Variants in IMMP2L observed in about 807,000 individuals in gnomAD.
IMMP2L encodes the protein mitochondrial inner membrane protease subunit 2.
In IMMP2L, 18 loss-of-function variants were observed where a neutral mutation model predicts 19.3. That is an observed-to-expected ratio of 0.93 (90% CI 0.64 to 1.38). IMMP2L has a LOEUF of 1.38. Among genes scored for constraint, IMMP2L ranks in the 40% most tolerant of loss-of-function variants. The pLI is 0.00. For synonymous variants in IMMP2L, 76 were observed against 73.0 expected (o/e 1.04, Z -0.21); for missense variants, 233 against 218.2 (o/e 1.07, Z -0.43).
At chr7:111,291,984 G>A (rs1427596227) in intron 3 of IMMP2L, among the ~76,000 whole-genome samples, 2 of 152,138 alleles carry the variant, frequency 1.3e-5, no homozygotes, top group Non-Finnish European at 2.9e-5. Flanking sequence ...CACTACTGTG[G>A]TGATTTAAGC....
At chr7:110,767,816 C>T (rs114155299) in intron 5 of IMMP2L, among the ~76,000 whole-genome samples, 93 of 152,252 alleles carry the variant, frequency 6.1e-4, no homozygotes, top group African/African-American at 2.0e-3. Flanking sequence ...AGCACAGAAT[C>T]CTGGTAATGT....
intron 3 of IMMP2L, among the ~76,000 whole-genome samples, chr7:111,297,618 T>C (rs376003672): frequency 5.3e-5 from 8 of 152,082 alleles, no homozygotes; most frequent in African/African-American, 1.9e-4. Context: ...TAAATGTATA[T>C]ACCAGCTTTA....
chr7:111,225,691 C>CAAA lies in IMMP2L; in HGVS notation c.239+261544_239+261546dup, dbSNP rs36112021. The stretch of plus-strand genomic sequence containing the variant: ...TCCAGTCAAAATGGTGAGATAGAGC[C>CAAA]AAAAAAAAAAAAAAAAAAGAATGGG... On this transcript the variant is annotated intron_variant, in intron 3 of 5. Coordinates refer to ENST00000405709, the MANE Select transcript of IMMP2L (RefSeq NM_032549.4). Among the ~76,000 whole-genome samples the CAAA allele has an allele frequency of 4.6e-4, 52 of 112,624 alleles. 1 individual carries two copies. The highest frequency in any genetic ancestry group is 1.7e-3 in the African/African-American group (51 of 30,560). 73.9% of individuals were successfully genotyped at this position (112,624 alleles called of 152,430 possible).
In IMMP2L at chr7:110,663,323, A is replaced by G; in HGVS notation, c.*279T>C. ...AATAATCTGAAATTCAGCCCCATTA[A>G]GACATGTGGGTGCAATATTTTTATA... On this transcript the variant is annotated 3_prime_UTR_variant, in exon 6 of 6. Transcript: ENST00000405709. The G allele has an allele frequency of 3.7e-6, 1 of 267,954 alleles. No homozygotes were observed. The highest frequency in any genetic ancestry group is 4.9e-5 in the Admixed American group (1 of 20,338). The allele number at this position is 267,954 out of a possible 1,614,324, so 16.6% of individuals were successfully genotyped here.
In IMMP2L at chr7:111,534,502, T is replaced by C. The variant is rs553312986; in HGVS notation, c.-2-13053A>G. On this transcript the variant is annotated intron_variant, in intron 1 of 5. Transcript: ENST00000405709. ...AAATAATAAAGAATATGAACCAAAA[T>C]GATGACAGTATTTATTTGCAATGAA... Among the ~76,000 whole-genome samples, 6 of 152,230 alleles carry C rather than the reference T, an allele frequency of 3.9e-5. 1 individual carries two copies. The South Asian group carries it at 6.2e-4, about 16-fold the overall frequency.
intron 3 of IMMP2L, among the ~76,000 whole-genome samples, chr7:111,171,457 G>T (rs1806442327): frequency 6.6e-6 from 1 of 151,488 alleles, no homozygotes. Context: ...AGCCCAAAGA[G>T]AGAGAAAGAA....
rs527552834 is a variant in IMMP2L at position 110,924,396 on chromosome 7, C to A, written c.306-37701G>T. Among the ~76,000 whole-genome samples the A allele has an allele frequency of 6.6e-6, 1 of 152,056 alleles. No homozygotes were observed. The highest frequency in any genetic ancestry group is 2.4e-5 in the African/African-American group (1 of 41,388). On this transcript the variant is annotated intron_variant, in intron 4 of 5. Coordinates refer to ENST00000405709, the MANE Select transcript of IMMP2L (RefSeq NM_032549.4). The surrounding 1 kb of genome is among the most constrained non-coding windows in gnomAD (Gnocchi z 4.2). ...TCCATTTCAGCGCTACCTTTGCCAACGGAGTCCTGCAATGACATACCAGAC... is the reference window on the plus strand; with the variant it reads ...TCCATTTCAGCGCTACCTTTGCCAAAGGAGTCCTGCAATGACATACCAGAC...
intron 5 of IMMP2L, among the ~76,000 whole-genome samples, chr7:110,837,197 G>C (rs939298894): frequency 3.3e-5 from 5 of 152,068 alleles, no homozygotes; most frequent in Non-Finnish European, 5.9e-5. Flanking sequence ...TACATCTACA[G>C]GTATTGACAT....
chr7:111,188,965 A>T (rs966083232), intron 3 of IMMP2L, among the ~76,000 whole-genome samples: 1 of 152,128 alleles, frequency 6.6e-6, no homozygotes, highest in Non-Finnish European at 1.5e-5. Context: ...TATGGCTAAT[A>T]AAAAAGTTCC....
chr7:110,877,027 G>T lies in IMMP2L; in HGVS notation c.408+9566C>A, dbSNP rs1170227775. On this transcript the variant is annotated intron_variant, in intron 5 of 5. Coordinates refer to ENST00000405709, the MANE Select transcript of IMMP2L (RefSeq NM_032549.4). This position sits in a 1 kb window ranked among gnomAD's most constrained non-coding sequence, Gnocchi z 4.0. ...AAAGAGCAGATAATAAATATTTTAG[G>T]ATTTGTGGGATATAAGTCTCTCTTG... 6.6e-6 allele frequency among the ~76,000 whole-genome samples: 1 copy of T among 152,132 alleles called. No individual in the cohort carries two copies. Among genetic ancestry groups the T allele is most frequent in the Non-Finnish European group, 1.5e-5 (1 of 68,028 alleles).
intron 3 of IMMP2L, among the ~76,000 whole-genome samples, chr7:111,073,307 G>A (rs1283029958): frequency 6.6e-6 from 1 of 152,124 alleles, no homozygotes; most frequent in South Asian, 2.1e-4. Context: ...GCAAGAATGA[G>A]AGTGGGTGTG....
intron 3 of IMMP2L, among the ~76,000 whole-genome samples, chr7:111,327,037 A>G (rs1825390811): frequency 6.6e-6 from 1 of 151,756 alleles, no homozygotes; most frequent in African/African-American, 2.4e-5. Context: ...TCAGCTTCTA[A>G]AAAGAAGGGA....
At chr7:110,733,883 G>C (rs73714336) in intron 5 of IMMP2L, among the ~76,000 whole-genome samples, 5,876 of 152,078 alleles carry the variant, frequency 0.039, 323 homozygotes, top group African/African-American at 0.12. Flanking sequence ...ATGAAGCAGA[G>C]GGCAAGCTTT....
chr7:111,537,744 C>T (rs1245183328), intron 1 of IMMP2L, among the ~76,000 whole-genome samples: 1 of 151,766 alleles, frequency 6.6e-6, no homozygotes, highest in Non-Finnish European at 1.5e-5. Flanking sequence ...TCATGTTTCC[C>T]AGGCTAATCT....
At chr7:110,904,610 C>A (rs150356211) in intron 4 of IMMP2L, among the ~76,000 whole-genome samples, 1 of 152,168 alleles carries the variant, frequency 6.6e-6, no homozygotes, top group Non-Finnish European at 1.5e-5. Flanking sequence ...CCTAGCTATA[C>A]GCTTGTTTTT....
intron 3 of IMMP2L, among the ~76,000 whole-genome samples, chr7:111,151,256 T>C (rs1164817624): frequency 6.6e-6 from 1 of 152,196 alleles, no homozygotes; most frequent in Non-Finnish European, 1.5e-5. Context: ...GATCATACAG[T>C]TTATTTTTCA....
intron 3 of IMMP2L, among the ~76,000 whole-genome samples, chr7:111,200,324 A>C (rs984313831): frequency 2.0e-5 from 3 of 152,128 alleles, no homozygotes. Context: ...TCGAAAGTGT[A>C]ATACTGTTTA....
chr7:110,678,371 C>G (rs1792474158), intron 5 of IMMP2L, among the ~76,000 whole-genome samples: 1 of 152,044 alleles, frequency 6.6e-6, no homozygotes, highest in East Asian at 1.9e-4. Flanking sequence ...TATCACCTTT[C>G]CAACAGCTAA....
intron 3 of IMMP2L, among the ~76,000 whole-genome samples, chr7:111,079,090 T>C (rs2129576185): frequency 6.6e-6 from 1 of 152,244 alleles, no homozygotes; most frequent in Middle Eastern, 3.4e-3. Context: ...CAATACATGT[T>C]TCATTGAATT....
Sources: gnomAD v4.1 joint callset for allele counts (sites outside exome capture counted in the v4.1 genomes callset) on GRCh38, gnomAD v4.1.1 for gene constraint, Gnocchi (gnomAD v3.1) non-coding constraint, MANE v1.5 for transcripts, NCBI Gene and HGNC (gene_info 2026-07-23, HGNC 2026-07-21) for gene names.